The following SDR42E2 variants were observed in gnomAD, a reference collection of about 807,000 sequenced individuals.
SDR42E2 encodes the protein short chain dehydrogenase/reductase family 42E, member 2.
In SDR42E2, 20 loss-of-function variants were observed where a neutral mutation model predicts 10.5. The observed-to-expected ratio is 1.90, with a 90% CI of 1.34 to 2.77. The LOEUF (loss-of-function observed/expected upper bound fraction) is 2.77, where lower values mean the gene tolerates loss of function less well. SDR42E2 is among the 30% of genes most tolerant of loss of function. SDR42E2 has a pLI of 0.00. For missense variants in SDR42E2, 162 were observed against 104.2 expected (o/e 1.55, Z -2.42); for synonymous variants, 72 against 39.2 (o/e 1.84, Z -3.12).
intron 1 of SDR42E2, among the ~76,000 whole-genome samples, 85 bp downstream of exon 1, chr16:22,162,649 C>A (rs1044260126): frequency 9.9e-5 from 15 of 152,128 alleles, no homozygotes; most frequent in Non-Finnish European, 1.6e-4. Context: ...GGGAGGGGAC[C>A]CCCACCCTGG....
chr16:22,173,908 T>TATATATATATATATATATAC (rs1598135785), intron 7 of SDR42E2, among the ~76,000 whole-genome samples: 1 of 134,226 alleles, frequency 7.5e-6, no homozygotes, highest in East Asian at 2.3e-4. Flanking sequence ...TGTGTGTGTA[T>TATATATATATATATATATAC]ATATATATAT....
intron 11 of SDR42E2, among the ~76,000 whole-genome samples, chr16:22,186,281 A>C (rs1273613287): frequency 6.6e-6 from 1 of 150,550 alleles, no homozygotes; most frequent in Admixed American, 6.6e-5. Flanking sequence ...ATCTCAGCTC[A>C]CTGCAATCTC....
At chr16:22,179,881 A>G (rs1010464852) in intron 8 of SDR42E2, among the ~76,000 whole-genome samples, 2 of 151,020 alleles carry the variant, frequency 1.3e-5, no homozygotes, top group African/African-American at 4.9e-5. Context: ...AGGGTGAGGG[A>G]ATTGGGCTTG....
At chr16:22,190,077 CGAA>C (rs372686388) in intron 12 of SDR42E2, 59 bp from the exon 13 acceptor site, 2 of 400,528 alleles carry the variant, frequency 5.0e-6, no homozygotes, top group African/African-American at 4.1e-5. Flanking sequence ...CCGTAAACAA[CGAA>C]GTAGAGGATG....
intron 11 of SDR42E2, among the ~76,000 whole-genome samples, chr16:22,185,739 T>C (rs1374728760): frequency 6.6e-6 from 1 of 152,082 alleles, no homozygotes; most frequent in Non-Finnish European, 1.5e-5. Flanking sequence ...CTCAAGCCTC[T>C]AGGACTACAG....
chr16:22,166,251 G>A lies in SDR42E2; in HGVS notation c.57G>A (p.Ala19=), dbSNP rs137993804. ...SLEACKAAGQ[A]PQQKTQAKPT... ...AGTCAACAACAACCCCAACACCAGC[G>A]CCGCAGCAGAAGACTCAAGCCAAAC... Residue 19 remains alanine (A), a splice_region_variant and synonymous_variant, in exon 3 of 13, where the codon GCG becomes GCA. Transcript: ENST00000602312. 2.7e-5 allele frequency: 11 copies of A among 403,070 alleles called. No homozygotes were observed. Among genetic ancestry groups the A allele is most frequent in the South Asian group, 1.2e-4 (1 of 8,294 alleles). The allele number at this position is 403,070 out of a possible 1,614,324, so 25.0% of individuals were successfully genotyped here. A position where few individuals can be genotyped will look rare whatever the true frequency, so the allele number is the denominator to read the frequency against.
rs1389242196 is a variant in SDR42E2, at chr16:22,191,029, T to A, written c.*636T>A. 6.6e-6 allele frequency: 1 copy of A among 151,848 alleles called. No individual in the cohort carries two copies. Among genetic ancestry groups the A allele is most frequent in the Non-Finnish European group, 1.5e-5 (1 of 68,242 alleles). 9.4% of individuals were successfully genotyped at this position (151,848 alleles called of 1,614,324 possible). On this transcript the variant is annotated 3_prime_UTR_variant, in exon 13 of 13. Transcript: ENST00000602312. ...CTTCTGAGTCCTGGTCACGCCTCTG[T>A]CCCGCCCCCTGAATCTTTCCTACGT...
chr16:22,166,192 AGACAGGG>A (rs2046537080), intron 2 of SDR42E2, 51 bp from the exon 3 acceptor site: 1 of 416,142 alleles, frequency 2.4e-6, no homozygotes, highest in Non-Finnish European at 4.2e-6. Context: ...GCCTGGGCTC[AGACAGGG>A]GTCTGGGACT....
chr16:22,171,274 C>A (rs977344657), intron 6 of SDR42E2, among the ~76,000 whole-genome samples: 5 of 152,092 alleles, frequency 3.3e-5, no homozygotes, highest in African/African-American at 1.2e-4. Context: ...CAGAGTCTCA[C>A]CCTGTCCCCA....
intron 2 of SDR42E2, among the ~76,000 whole-genome samples, chr16:22,166,007 G>C (rs1270113711): frequency 6.6e-6 from 1 of 151,500 alleles, no homozygotes; most frequent in African/African-American, 2.4e-5. Context: ...GCTGGGTCGG[G>C]ACCTGGTCTA....
At chr16:22,170,786 C>T in intron 5 of SDR42E2, 47 bp from the exon 6 acceptor site, 1 of 702,232 alleles carries the variant, frequency 1.4e-6, no homozygotes, top group South Asian at 1.5e-5. Context: ...TGTGTCTTTG[C>T]ATGTGTGTGT....
chr16:22,162,737 C>T (rs2046507992), intron 1 of SDR42E2, among the ~76,000 whole-genome samples, 173 bp downstream of exon 1: 4 of 152,202 alleles, frequency 2.6e-5, no homozygotes, highest in Admixed American at 2.6e-4. Context: ...CCACCAAACC[C>T]GCTTTTGGGG....
At chr16:22,164,537 C>A (rs542703263) in intron 1 of SDR42E2, among the ~76,000 whole-genome samples, 1 of 152,216 alleles carries the variant, frequency 6.6e-6, no homozygotes, top group South Asian at 2.1e-4. Context: ...CCAGCCTGGG[C>A]GACAGAGAAA....
intron 4 of SDR42E2, among the ~76,000 whole-genome samples, chr16:22,167,956 A>G (rs553282021): frequency 9.2e-5 from 14 of 152,350 alleles, no homozygotes; most frequent in South Asian, 4.1e-4. Flanking sequence ...CGGAAATTTA[A>G]CAGTGGCTGC....
intron 1 of SDR42E2, among the ~76,000 whole-genome samples, 165 bp from the exon 2 acceptor site, chr16:22,165,382 C>T (rs749921451): frequency 2.0e-5 from 3 of 152,286 alleles, no homozygotes; most frequent in East Asian, 1.9e-4. Flanking sequence ...ACCACCACGC[C>T]GGGCCCACAC....
intron 4 of SDR42E2, among the ~76,000 whole-genome samples, chr16:22,169,199 G>A (rs931013550): frequency 1.3e-5 from 2 of 152,164 alleles, no homozygotes; most frequent in Non-Finnish European, 2.9e-5. Context: ...CCACCCAGGG[G>A]AGGAGGTTGG....
At chr16:22,184,054 G>A in intron 10 of SDR42E2, 127 bp from the exon 11 acceptor site, 1 of 394,490 alleles carries the variant, frequency 2.5e-6, no homozygotes, top group Non-Finnish European at 4.5e-6. Context: ...TGCAGGGTCT[G>A]CCCCCTGGGG....
At chr16:22,180,812 G>GTGAACT (rs1418873840) in intron 8 of SDR42E2, among the ~76,000 whole-genome samples, 1 of 152,188 alleles carries the variant, frequency 6.6e-6, no homozygotes, top group Non-Finnish European at 1.5e-5. Flanking sequence ...TTTGAGACCA[G>GTGAACT]CCTGGCCAAC....
chr16:22,190,807 T>G lies in SDR42E2; in HGVS notation c.*414T>G. 6.0e-6 allele frequency: 1 copy of G among 167,040 alleles called. No homozygotes were observed. Among genetic ancestry groups the G allele is most frequent in the Non-Finnish European group, 1.3e-5 (1 of 78,712 alleles). The allele number at this position is 167,040 out of a possible 1,614,324, so 10.3% of individuals were successfully genotyped here. On this transcript the variant is annotated 3_prime_UTR_variant, in exon 13 of 13. Transcript: ENST00000602312. The stretch of plus-strand genomic sequence containing the variant: ...GCACGCCTTCTTCCCCGCTCACTGA[T>G]TTCCTGGCCTAGCCCCTGAGCAGAC...
Sources: allele counts gnomAD v4.1 joint callset (sites outside exome capture counted in the v4.1 genomes callset), GRCh38; gene constraint gnomAD v4.1.1; transcripts MANE v1.5; gene names NCBI Gene and HGNC (gene_info 2026-07-23, HGNC 2026-07-21).